KIAA1549: variants seen among roughly 807,000 people sequenced by gnomAD.
The protein encoded by KIAA1549 is UPF0606 protein KIAA1549.
A neutral mutation model predicts 156.4 loss-of-function variants in KIAA1549; 70 were observed. The ratio of observed to expected loss-of-function variants is 0.45; its 90% CI spans 0.37 to 0.55. KIAA1549 has a LOEUF of 0.55. Ranked by LOEUF, KIAA1549 falls within the 20% of genes least tolerant of loss-of-function variation. KIAA1549 has a pLI of 0.00. For synonymous variants in KIAA1549, 1,103 were observed against 1,066.4 expected (o/e 1.03, Z -0.67); for missense variants, 2,428 against 2,540.9 (o/e 0.96, Z 0.96).
chr7:138,967,057 CA>C (rs1187751690), intron 1 of KIAA1549, among the ~76,000 whole-genome samples: 1 of 152,188 alleles, frequency 6.6e-6, no homozygotes, highest in African/African-American at 2.4e-5. Context: ...GCTGCATTTA[CA>C]CATGACACCT....
chr7:138,889,257 T>G (rs1367323371), intron 10 of KIAA1549, among the ~76,000 whole-genome samples: 2 of 152,220 alleles, frequency 1.3e-5, no homozygotes, highest in East Asian at 1.9e-4. Context: ...ACAAACAGTA[T>G]TGCCTCTATA....
rs1814540873 is a variant in KIAA1549, at chr7:138,981,199, G to A, written c.71C>T (p.Ala24Val). The change falls in exon 1 of 20, where the codon GCC (alanine) becomes GTC (valine). Residue 24 changes from alanine (A) to valine (V), a missense_variant. This residue lies in a region of KIAA1549 where 893 missense variants were observed against 847.9 expected (regional missense o/e 1.05). Coordinates refer to ENST00000422774, the MANE Select transcript of KIAA1549 (RefSeq NM_001164665.2). This position sits in a 1 kb window ranked among gnomAD's most constrained non-coding sequence, Gnocchi z 4.5. ...EGKPRAGVALAPGPSGRRPSA... is the reference protein window; with the variant it reads ...EGKPRAGVALVPGPSGRRPSA... ...AGGCCGTCGGCCGCTCGGCCCCGGG[G>A]CCAGCGCGACCCCGGCGCGGGGCTT... is the stretch of plus-strand genomic sequence containing the variant. The A allele has an allele frequency of 4.7e-6, 5 of 1,060,516 alleles. No individual in the cohort carries two copies. The highest frequency in any genetic ancestry group is 5.5e-5 in the Admixed American group (1 of 18,144). The allele number at this position is 1,060,516 out of a possible 1,614,324, so 65.7% of individuals were successfully genotyped here.
rs1190211737 is a variant in KIAA1549, at chr7:138,836,650, A to G, written c.*1256T>C. On this transcript the variant is annotated 3_prime_UTR_variant, in exon 20 of 20. Coordinates refer to ENST00000422774, the MANE Select transcript of KIAA1549 (RefSeq NM_001164665.2). ...AAGTGGGGGAAATGTTTACATCAGG[A>G]GTACATCTTAAGCGAGATGATCCCC... is the stretch of plus-strand genomic sequence containing the variant. 1 of 219,206 alleles carries G rather than the reference A, an allele frequency of 4.6e-6. No homozygotes were observed. The highest frequency in any genetic ancestry group is 9.2e-6 in the Non-Finnish European group (1 of 109,218). The allele number at this position is 219,206 out of a possible 1,614,324, so 13.6% of individuals were successfully genotyped here. A position where few individuals can be genotyped will look rare whatever the true frequency, so the allele number is the denominator to read the frequency against.
At chr7:138,884,392 G>A (rs1378347503) in intron 10 of KIAA1549, among the ~76,000 whole-genome samples, 1 of 152,214 alleles carries the variant, frequency 6.6e-6, no homozygotes, top group South Asian at 2.1e-4. Flanking sequence ...CTGAAAAACC[G>A]AGTTCTTGGC....
At chr7:138,970,197 C>T (rs1288156201) in intron 1 of KIAA1549, among the ~76,000 whole-genome samples, 1 of 152,332 alleles carries the variant, frequency 6.6e-6, no homozygotes, top group East Asian at 1.9e-4. Flanking sequence ...ATTCATCTGT[C>T]CACAGACATG....
intron 17 of KIAA1549, among the ~76,000 whole-genome samples, chr7:138,848,195 T>G (rs1391990083): frequency 6.6e-6 from 1 of 152,240 alleles, no homozygotes; most frequent in Non-Finnish European, 1.5e-5. Flanking sequence ...ACTCTTTTTG[T>G]GTTTTTCTTG....
chr7:138,910,861 TA>T lies in KIAA1549; in HGVS notation c.3145+284del, dbSNP rs1003976202. On this transcript the variant is annotated intron_variant, in intron 4 of 19. Transcript: ENST00000422774. ...CAGGTGTGAGCCACCATACCTGGCCTAAAAAAAAATTAAAAAAAAAATTAGC... is the reference window on the plus strand; with the variant it reads ...CAGGTGTGAGCCACCATACCTGGCCTAAAAAAAATTAAAAAAAAAATTAGC... Among the ~76,000 whole-genome samples the T allele has an allele frequency of 1.2e-3, 173 of 149,752 alleles. 1 individual carries two copies. Among genetic ancestry groups the T allele is most frequent in the African/African-American group, 4.0e-3 (163 of 40,736 alleles).
At chr7:138,901,286 T>C (rs986252616) in intron 8 of KIAA1549, among the ~76,000 whole-genome samples, 3 of 152,066 alleles carry the variant, frequency 2.0e-5, no homozygotes, top group Non-Finnish European at 2.9e-5. Flanking sequence ...AACATTTGGA[T>C]TACATGGCAT....
At chr7:138,910,820 C>T (rs1353396411) in intron 4 of KIAA1549, among the ~76,000 whole-genome samples, 1 of 150,432 alleles carries the variant, frequency 6.6e-6, no homozygotes, top group Non-Finnish European at 1.5e-5. Context: ...GCCTCAGCTC[C>T]CACCTGGTGG....
chr7:138,861,676 A>AC (rs554581505), intron 15 of KIAA1549, among the ~76,000 whole-genome samples: 2,705 of 133,430 alleles, frequency 0.02, 63 homozygotes, highest in African/African-American at 0.061. Context: ...ACAAAGTGAG[A>AC]CCCCCCCCAT....
intron 17 of KIAA1549, 149 bp downstream of exon 17, chr7:138,852,074 A>C: frequency 1.9e-6 from 1 of 537,488 alleles, no homozygotes; most frequent in Non-Finnish European, 3.3e-6. Context: ...AATTCCAACT[A>C]TTTTTCCCTC....
intron 2 of KIAA1549, among the ~76,000 whole-genome samples, chr7:138,914,274 A>G (rs2130471829): frequency 6.6e-6 from 1 of 152,338 alleles, no homozygotes; most frequent in Non-Finnish European, 1.5e-5. Flanking sequence ...ACATTAGGAT[A>G]TGAGGACACC....
chr7:138,913,833 T>C (rs950131421), intron 2 of KIAA1549, among the ~76,000 whole-genome samples: 1 of 150,370 alleles, frequency 6.7e-6, no homozygotes, highest in African/African-American at 2.5e-5. Context: ...AAGGGAAAGA[T>C]AAAATGAGGA....
intron 18 of KIAA1549, among the ~76,000 whole-genome samples, chr7:138,842,774 A>G (rs967003696): frequency 2.6e-5 from 4 of 152,100 alleles, no homozygotes; most frequent in Admixed American, 2.0e-4. Flanking sequence ...AACACATAGG[A>G]GGCAACTGGT....
chr7:138,902,671 C>T (rs1025611008), intron 8 of KIAA1549, among the ~76,000 whole-genome samples: 17 of 151,836 alleles, frequency 1.1e-4, no homozygotes, highest in African/African-American at 3.9e-4. Flanking sequence ...CAGGTGTCTC[C>T]GGTGGCGGGT....
rs79472464 is a variant in KIAA1549, at chr7:138,884,586, C to T, written c.4033-3002G>A. Reference sequence around the variant, plus strand: ...CATGCAAAGGAGTGTTAAGTCACACCTACGAACAATAAAATCTGGTTAAAT... The same window carrying T: ...CATGCAAAGGAGTGTTAAGTCACACTTACGAACAATAAAATCTGGTTAAAT... On this transcript the variant is annotated intron_variant, in intron 10 of 19. Transcript: ENST00000422774. 5.8e-4 allele frequency among the ~76,000 whole-genome samples: 89 copies of T among 152,258 alleles called. 1 individual carries two copies. The highest frequency in any genetic ancestry group is 2.1e-3 in the African/African-American group (86 of 41,528).
At chr7:138,937,904 G>C (rs1159949643) in intron 1 of KIAA1549, among the ~76,000 whole-genome samples, 1 of 152,170 alleles carries the variant, frequency 6.6e-6, no homozygotes. Flanking sequence ...GGGGGAGTTT[G>C]ACTTCCAAGC....
intron 1 of KIAA1549, among the ~76,000 whole-genome samples, chr7:138,976,077 T>G (rs1563100603): frequency 6.6e-6 from 1 of 151,988 alleles, no homozygotes; most frequent in Non-Finnish European, 1.5e-5. Flanking sequence ...CTTATCTTAT[T>G]TTATCTTATT....
intron 1 of KIAA1549, among the ~76,000 whole-genome samples, chr7:138,938,638 C>T (rs373553648): frequency 6.6e-6 from 1 of 152,162 alleles, no homozygotes; most frequent in Non-Finnish European, 1.5e-5. Context: ...CTATAGATAA[C>T]CCAGAAAGCA....
Sources: allele counts gnomAD v4.1 joint callset (sites outside exome capture counted in the v4.1 genomes callset), GRCh38; gene constraint gnomAD v4.1.1; regional missense constraint gnomAD v4.1.1; non-coding constraint Gnocchi (gnomAD v3.1); transcripts MANE v1.5; gene names NCBI Gene and HGNC (gene_info 2026-07-23, HGNC 2026-07-21).